The following ANKFN1 variants were observed in gnomAD, a reference collection of about 807,000 sequenced individuals.
ANKFN1 encodes ankyrin repeat and fibronectin type III domain containing 1, also known as ankyrin repeat and fibronectin type-III domain-containing protein 1.
Under a neutral mutation model 108.7 loss-of-function variants are expected in ANKFN1, and 74 were observed. The observed-to-expected ratio is 0.68, with a 90% CI of 0.56 to 0.83. The LOEUF (loss-of-function observed/expected upper bound fraction) is 0.83. Among genes scored for constraint, ANKFN1 ranks in the 40% least tolerant of loss-of-function variants. The pLI, the probability that ANKFN1 is intolerant of heterozygous loss-of-function variation, is 0.00. For missense variants in ANKFN1, 1,505 were observed against 1,382.3 expected (o/e 1.09, Z -1.41); for synonymous variants, 547 against 516.2 (o/e 1.06, Z -0.81).
At chr17:56,152,983 C>T (rs189963702), upstream of ANKFN1, among the ~76,000 whole-genome samples, 4 of 152,272 alleles carry the variant, frequency 2.6e-5, no homozygotes, top group African/African-American at 9.6e-5. Flanking sequence ...AATCCAGTAG[C>T]CAAAATAATC....
At chr17:56,509,782 A>G (rs1235965236) in intron 20 of ANKFN1, among the ~76,000 whole-genome samples, 1 of 152,252 alleles carries the variant, frequency 6.6e-6, no homozygotes, top group Admixed American at 6.5e-5. Flanking sequence ...TCCCTAAAAT[A>G]GAAGAAACCT....
At chr17:56,100,599 C>A (rs1302221081) in intron 4 of ANKFN1, among the ~76,000 whole-genome samples, 6 of 152,114 alleles carry the variant, frequency 3.9e-5, no homozygotes, top group Non-Finnish European at 8.8e-5. Flanking sequence ...CCTTCTATTT[C>A]TAAAGTTAAT....
At chr17:56,389,469 G>A (rs928321378) in intron 8 of ANKFN1, among the ~76,000 whole-genome samples, 26 of 152,176 alleles carry the variant, frequency 1.7e-4, no homozygotes, top group Admixed American at 1.7e-3. Context: ...ACCTTTTAAA[G>A]GATTTAGAGA....
intron 3 of ANKFN1, among the ~76,000 whole-genome samples, chr17:56,312,217 C>T (rs2045051180): frequency 6.6e-6 from 1 of 152,198 alleles, no homozygotes; most frequent in Non-Finnish European, 1.5e-5. Context: ...CCCACTCCCA[C>T]CTTGGCTCTG....
chr17:56,151,360 A>T (rs1908593974), upstream of ANKFN1, among the ~76,000 whole-genome samples: 1 of 152,228 alleles, frequency 6.6e-6, no homozygotes, highest in Non-Finnish European at 1.5e-5. Context: ...GGGTCCAGAT[A>T]TTCCCAAATG....
intron 3 of ANKFN1, among the ~76,000 whole-genome samples, chr17:56,235,594 C>T (rs1007818459): frequency 6.6e-6 from 1 of 152,146 alleles, no homozygotes; most frequent in Admixed American, 6.6e-5. Flanking sequence ...ACCCCAGCAC[C>T]ATTTCTTGAA....
intron 4 of ANKFN1, among the ~76,000 whole-genome samples, chr17:56,056,016 TA>T (rs754749967): frequency 2.4e-4 from 36 of 152,076 alleles, no homozygotes; most frequent in Admixed American, 1.0e-3. Context: ...TTTTGCTGCT[TA>T]TATTTCCTCT....
chr17:56,485,082 T>TTTCA (rs2145389664), intron 18 of ANKFN1, among the ~76,000 whole-genome samples: 1 of 152,350 alleles, frequency 6.6e-6, no homozygotes, highest in African/African-American at 2.4e-5. Flanking sequence ...TGATTCAGTT[T>TTTCA]TTCATTCATT....
At chr17:56,184,586 T>C (rs1912010967) in intron 1 of ANKFN1, among the ~76,000 whole-genome samples, 1 of 152,188 alleles carries the variant, frequency 6.6e-6, no homozygotes. Context: ...GCAGATGATA[T>C]TAACTTTGAT....
At chr17:56,200,311 A>G (rs1434864918) in intron 1 of ANKFN1, among the ~76,000 whole-genome samples, 1 of 152,246 alleles carries the variant, frequency 6.6e-6, no homozygotes, top group Non-Finnish European at 1.5e-5. Context: ...AGAAAGAACC[A>G]TGAGCACTGA....
rs907552579 is a variant in ANKFN1, at chr17:56,458,936, C to G, written c.1557+957C>G. On this transcript the variant is annotated intron_variant, in intron 14 of 20. Coordinates refer to ENST00000682825, the MANE Select transcript of ANKFN1 (RefSeq NM_001370326.1). ...ATTATAGGAATGTCATTTCTTAAAC[C>G]CTCACAATAATAATAATTCAACTTC... 2.0e-5 allele frequency among the ~76,000 whole-genome samples: 3 copies of G among 152,256 alleles called. No homozygotes were observed. The East Asian group carries it at 5.8e-4, about 29-fold the overall frequency.
intron 3 of ANKFN1, among the ~76,000 whole-genome samples, chr17:56,305,312 T>C (rs1023820313): frequency 6.6e-6 from 1 of 152,166 alleles, no homozygotes; most frequent in Non-Finnish European, 1.5e-5. Context: ...GAAATTTGAG[T>C]GGAGGCACAG....
chr17:56,193,698 G>T (rs1913232264), intron 1 of ANKFN1, among the ~76,000 whole-genome samples: 1 of 152,006 alleles, frequency 6.6e-6, no homozygotes, highest in South Asian at 2.1e-4. Context: ...AGGCAAAAAT[G>T]TGGATGGTCT....
At chr17:56,436,009 C>T (rs1952668248) in intron 8 of ANKFN1, among the ~76,000 whole-genome samples, 1 of 152,012 alleles carries the variant, frequency 6.6e-6, no homozygotes, top group Non-Finnish European at 1.5e-5. Flanking sequence ...GTGACATTTC[C>T]CATTACATTA....
At chr17:56,277,193 T>C (rs1398742935) in intron 3 of ANKFN1, among the ~76,000 whole-genome samples, 1 of 152,204 alleles carries the variant, frequency 6.6e-6, no homozygotes, top group African/African-American at 2.4e-5. Context: ...CAGTGTTCAA[T>C]AGAATAAAAT....
chr17:56,369,396 A>G (rs1376455351), intron 6 of ANKFN1, among the ~76,000 whole-genome samples: 1 of 152,174 alleles, frequency 6.6e-6, no homozygotes, highest in South Asian at 2.1e-4. Context: ...AAAATTGAAA[A>G]TGATTTATTA....
At chr17:56,207,032 GC>G (rs1288968644) in intron 1 of ANKFN1, 1 of 152,146 alleles carries the variant, frequency 6.6e-6, no homozygotes, top group Non-Finnish European at 1.5e-5. Flanking sequence ...AGAGGGAGAG[GC>G]CCCTGTCTAA....
intron 8 of ANKFN1, among the ~76,000 whole-genome samples, chr17:56,396,196 C>T (rs1391887157): frequency 1.3e-5 from 2 of 152,212 alleles, no homozygotes; most frequent in African/African-American, 2.4e-5. Flanking sequence ...CACCTGTAAT[C>T]CCAACACTTG....
chr17:56,103,254 G>A (rs1905682297), intron 4 of ANKFN1, among the ~76,000 whole-genome samples: 1 of 150,486 alleles, frequency 6.6e-6, no homozygotes, highest in African/African-American at 2.5e-5. Context: ...TACACCCTGA[G>A]TTCTGCAGGC....
Sources: gnomAD v4.1 joint callset for allele counts (sites outside exome capture counted in the v4.1 genomes callset) on GRCh38, gnomAD v4.1.1 for gene constraint, MANE v1.5 for transcripts, NCBI Gene and HGNC (gene_info 2026-07-23, HGNC 2026-07-21) for gene names.